The following TERT variants were observed in gnomAD, a reference collection of about 807,000 sequenced individuals.
TERT encodes telomerase catalytic subunit.
TERT carries 42 observed loss-of-function variants against 104.0 expected under a neutral mutation model. That is an observed-to-expected ratio of 0.40 (90% CI 0.32 to 0.52). The LOEUF is 0.52. Among genes scored for constraint, TERT ranks in the 20% least tolerant of loss-of-function variants. The pLI is 0.43. For missense variants in TERT, 1,101 were observed against 1,610.3 expected, an observed-to-expected ratio of 0.68 and a Z score of 5.41; for synonymous variants, 781 against 725.6, an observed-to-expected ratio of 1.08 and a Z score of -1.23.
At chr5:1,278,847 C>T (rs1174612328) in intron 5 of TERT, 51 bp from the exon 6 acceptor site, 2 of 1,611,948 alleles carry the variant, frequency 1.2e-6, no homozygotes, top group Middle Eastern at 1.6e-4. Context: ...GAAACTCAGA[C>T]ATCACCTCTG....
In TERT at chr5:1,270,381, T is replaced by C. The variant is rs1748933513; in HGVS notation, c.2468+738A>G. On this transcript the variant is annotated intron_variant, in intron 8 of 15. Transcript: ENST00000310581. This position sits in a 1 kb window ranked among gnomAD's most constrained non-coding sequence, Gnocchi z 8.3. ...GGATGACCTTGCTGATGACCTTGAG[T>C]GTGCACGAATTTCCTCCGTGCTACC... Among the ~76,000 whole-genome samples the C allele has an allele frequency of 6.6e-6, 1 of 152,042 alleles. No individual in the cohort carries two copies. Among genetic ancestry groups the C allele is most frequent in the African/African-American group, 2.4e-5 (1 of 41,398 alleles).
In TERT at chr5:1,256,519, C is replaced by T. The variant is rs1464319397; in HGVS notation, c.3033-1108G>A. Among the ~76,000 whole-genome samples the T allele has an allele frequency of 6.7e-6, 1 of 149,562 alleles. No homozygotes were observed. Among genetic ancestry groups the T allele is most frequent in the Non-Finnish European group, 1.5e-5 (1 of 67,362 alleles). On this transcript the variant is annotated intron_variant, in intron 13 of 15. Transcript: ENST00000310581. This position sits in a 1 kb window ranked among gnomAD's most constrained non-coding sequence, Gnocchi z 7.0. ...TGAGCCCCCCATGTACCTGGCCTCA[C>T]CCACTGCCTGAGCCCCCCGTGTACC...
chr5:1,289,833 C>A (rs1397196218), intron 2 of TERT, among the ~76,000 whole-genome samples: 1 of 104,446 alleles, frequency 9.6e-6, no homozygotes, highest in Admixed American at 9.0e-5. Flanking sequence ...CAGGGACACC[C>A]GGGGACAGTG....
In TERT at chr5:1,258,697, C is replaced by T. The variant is rs545138998; in HGVS notation, c.2971-38G>A. On this transcript the variant is annotated intron_variant, in intron 12 of 15. Transcript: ENST00000310581. ...AGAAAGAGTGAGAAACGGTAGAAAC[C>T]TCTCTGGGATTTTAAGTTTTTACTT... 5.2e-6 allele frequency: 8 copies of T among 1,526,300 alleles called. No homozygotes were observed. The African/African-American group carries it at 8.2e-5, about 16-fold the overall frequency. 94.5% of individuals were successfully genotyped at this position (1,526,300 alleles called of 1,614,324 possible).
At chr5:1,264,689 G>T in intron 10 of TERT, 97 bp from the exon 11 acceptor site, 2 of 1,449,426 alleles carry the variant, frequency 1.4e-6, no homozygotes, top group Non-Finnish European at 1.9e-6. Flanking sequence ...CCCCAGAGAA[G>T]TGGTGATTTG....
At chr5:1,284,887 C>A (rs1013272483) in intron 2 of TERT, among the ~76,000 whole-genome samples, 1 of 148,974 alleles carries the variant, frequency 6.7e-6, no homozygotes, top group African/African-American at 2.5e-5. Context: ...GGCGACCTCA[C>A]TCCAGACCTG....
Position 1,293,443 on chromosome 5 carries a change from C to T in TERT, c.1443G>A (p.Arg481=), listed in dbSNP as rs1373208248. The change falls in exon 2 of 16, where the codon AGG becomes AGA. Residue 481 remains arginine, a synonymous_variant. Coordinates refer to ENST00000310581, the MANE Select transcript of TERT (RefSeq NM_198253.3). The part of the protein sequence containing the change: ...RLVPPGLWGS[R]HNERRFLRNT... ...TCCTGAGGAAGCGGCGTTCGTTGTG[C>T]CTGGAGCCCCAGAGGCCTGGGGGCA... The T allele has an allele frequency of 3.1e-6, 5 of 1,611,478 alleles. 1 individual carries two copies. The highest frequency in any genetic ancestry group is 2.2e-5 in the South Asian group (2 of 90,816).
chr5:1,295,060 C>T lies in TERT; in HGVS notation c.-71G>A. 3.8e-6 allele frequency: 4 copies of T among 1,049,018 alleles called. No homozygotes were observed. Among genetic ancestry groups the T allele is most frequent in the Non-Finnish European group, 4.8e-6 (4 of 832,148 alleles). The allele number at this position is 1,049,018 out of a possible 1,614,324, so 65.0% of individuals were successfully genotyped here. A position where few individuals can be genotyped will look rare whatever the true frequency, so the allele number is the denominator to read the frequency against. On this transcript the variant is annotated 5_prime_UTR_variant, in exon 1 of 16. Transcript: ENST00000310581. The stretch of plus-strand genomic sequence containing the variant: ...GCAGCGCTGCCTGAAACTCGCGCCG[C>T]GAGGAGAGGGCGGGGCCGCGGAAAG...
chr5:1,273,135 C>T (rs1190216979), intron 6 of TERT, among the ~76,000 whole-genome samples: 1 of 13,804 alleles, frequency 7.2e-5, no homozygotes, highest in Non-Finnish European at 1.6e-4. Flanking sequence ...TCAGACCCCA[C>T]GACCGCCATC....
rs894157472 is a variant in TERT at position 1,287,727 on chromosome 5, G to A, written c.1574-5103C>T. Among the ~76,000 whole-genome samples, 1 of 151,972 alleles carries A rather than the reference G, an allele frequency of 6.6e-6. No homozygotes were observed. The highest frequency in any genetic ancestry group is 1.5e-5 in the Non-Finnish European group (1 of 68,006). On this transcript the variant is annotated intron_variant, in intron 2 of 15. Transcript: ENST00000310581. This position sits in a 1 kb window ranked among gnomAD's most constrained non-coding sequence, Gnocchi z 4.3. ...GCCTCACATAAATGCTACCAAACGA[G>A]AAGAAATGAACAGACCCATCCCCCA...
intron 3 of TERT, among the ~76,000 whole-genome samples, chr5:1,281,203 C>T (rs1479427225): frequency 6.6e-6 from 1 of 152,236 alleles, no homozygotes; most frequent in Non-Finnish European, 1.5e-5. Flanking sequence ...CCATTAAATA[C>T]GTGTAAAGTC....
intron 15 of TERT, 57 bp from the exon 16 acceptor site, chr5:1,253,888 C>A: frequency 6.5e-7 from 1 of 1,548,298 alleles, no homozygotes; most frequent in Non-Finnish European, 8.8e-7. Context: ...CATCCTCCAA[C>A]CCTCCTAGGA....
rs1435181871 is a variant in TERT, at chr5:1,287,539, GA to G, written c.1574-4916del. On this transcript the variant is annotated intron_variant, in intron 2 of 15. Coordinates refer to ENST00000310581, the MANE Select transcript of TERT (RefSeq NM_198253.3). The surrounding 1 kb of genome is among the most constrained non-coding windows in gnomAD (Gnocchi z 4.3). ...TATATATATATATAAATTAAAGGCA[GA>G]AAACAGACACAGCAGGAAAATACTA... is the stretch of plus-strand genomic sequence containing the variant. Among the ~76,000 whole-genome samples the G allele has an allele frequency of 6.7e-6, 1 of 148,780 alleles. No individual in the cohort carries two copies. Among genetic ancestry groups the G allele is most frequent in the Non-Finnish European group, 1.5e-5 (1 of 67,404 alleles).
intron 15 of TERT, 107 bp downstream of exon 15, chr5:1,254,260 CG>C: frequency 6.7e-7 from 1 of 1,494,668 alleles, no homozygotes; most frequent in Non-Finnish European, 9.3e-7. Context: ...GGGTCAGGCC[CG>C]GGGGCGTCTG....
rs1751053685 is a variant in TERT at position 1,292,467 on chromosome 5, AAC to A, written c.1573+844_1573+845del. On this transcript the variant is annotated intron_variant, in intron 2 of 15. Transcript: ENST00000310581. This position sits in a 1 kb window ranked among gnomAD's most constrained non-coding sequence, Gnocchi z 5.5. ...GATGGGACCAGGATCTGTGCTGGAG[AAC>A]AGTCTTATCTCCCTCCCTCTACCCT... Among the ~76,000 whole-genome samples the A allele has an allele frequency of 6.6e-6, 1 of 152,048 alleles. No individual in the cohort carries two copies. Among genetic ancestry groups the A allele is most frequent in the Middle Eastern group, 3.2e-3 (1 of 316 alleles).
chr5:1,284,092 C>A (rs1295959025), intron 2 of TERT, among the ~76,000 whole-genome samples: 4 of 144,368 alleles, frequency 2.8e-5, no homozygotes, highest in Non-Finnish European at 4.5e-5. Flanking sequence ...AACCTCACCC[C>A]GGACCTGCAT....
Position 1,261,373 on chromosome 5 carries a change from G to A in TERT, c.2844-773C>T, listed in dbSNP as rs1463694373. On this transcript the variant is annotated intron_variant, in intron 11 of 15. Transcript: ENST00000310581. This position sits in a 1 kb window ranked among gnomAD's most constrained non-coding sequence, Gnocchi z 7.4. ...TAGCCCTGTATTTGGGCAGGTTCGT[G>A]ACTTGCTGTGGCAAGTCCCCCTGCC... Among the ~76,000 whole-genome samples, 2 of 152,216 alleles carry A rather than the reference G, an allele frequency of 1.3e-5. No homozygotes were observed. The highest frequency in any genetic ancestry group is 2.9e-5 in the Non-Finnish European group (2 of 68,040).
intron 2 of TERT, among the ~76,000 whole-genome samples, chr5:1,291,475 A>G (rs1470265121): frequency 1.5e-4 from 6 of 41,366 alleles, no homozygotes; most frequent in South Asian, 9.1e-4. Flanking sequence ...ACACCCGGGG[A>G]CGGCGCCTCA....
rs1013754587 is a variant in TERT, at chr5:1,265,623, CAT to C, written c.2654+839_2654+840del. On this transcript the variant is annotated intron_variant, in intron 10 of 15. Coordinates refer to ENST00000310581, the MANE Select transcript of TERT (RefSeq NM_198253.3). The surrounding 1 kb of genome is among the most constrained non-coding windows in gnomAD (Gnocchi z 6.9). ...GGGCTGCGGCACAAGGAACGCCAGG[CAT>C]ACCCCCAGCCCAGGGCGGCCCTGGA... 1.1e-4 allele frequency among the ~76,000 whole-genome samples: 16 copies of C among 152,212 alleles called. No homozygotes were observed. Among genetic ancestry groups the C allele is most frequent in the African/African-American group, 3.9e-4 (16 of 41,536 alleles).
Sources: gnomAD v4.1 joint callset for allele counts (sites outside exome capture counted in the v4.1 genomes callset) on GRCh38, gnomAD v4.1.1 for gene constraint, Gnocchi (gnomAD v3.1) non-coding constraint, MANE v1.5 for transcripts, NCBI Gene and HGNC (gene_info 2026-07-23, HGNC 2026-07-21) for gene names.